The following SUGCT variants were observed in gnomAD, a reference collection of about 807,000 sequenced individuals.
SUGCT encodes succinyl-CoA:glutarate-CoA transferase.
Under a neutral mutation model 55.0 loss-of-function variants are expected in SUGCT, and 41 were observed. The ratio of observed to expected loss-of-function variants is 0.74; its 90% confidence interval spans 0.58 to 0.97. The LOEUF (loss-of-function observed/expected upper bound fraction) is 0.97, where lower values mean the gene tolerates loss of function less well. Among genes scored for constraint, SUGCT ranks in the 50% least tolerant of loss-of-function variants. The probability of loss-of-function intolerance (pLI) is 0.00; values close to 1 mark genes in which losing one functional copy is unlikely to be tolerated. For synonymous variants in SUGCT, 187 were observed against 200.4 expected (o/e 0.93, Z 0.56); for missense variants, 568 against 547.8 (o/e 1.04, Z -0.37).
intron 12 of SUGCT, among the ~76,000 whole-genome samples, chr7:40,614,827 A>G (rs937569037): frequency 2.6e-5 from 4 of 152,192 alleles, no homozygotes; most frequent in South Asian, 4.1e-4. Flanking sequence ...TGGGAGGCCA[A>G]TGTGGATGGA....
chr7:40,505,884 T>C (rs1015767636), intron 12 of SUGCT, among the ~76,000 whole-genome samples: 3 of 152,128 alleles, frequency 2.0e-5, no homozygotes, highest in African/African-American at 7.2e-5. Flanking sequence ...GGTATCTTTT[T>C]CTTATTTCCA....
chr7:40,332,448 T>G (rs978000240), intron 9 of SUGCT, among the ~76,000 whole-genome samples: 3 of 140,292 alleles, frequency 2.1e-5, no homozygotes, highest in Non-Finnish European at 5.0e-5. Context: ...ATTGGATTTT[T>G]TTTTTTGTTT....
At chr7:40,928,700 A>G in the SUGCT span, among the ~76,000 whole-genome samples, 12 of 151,766 alleles carry the variant, frequency 7.9e-5, no homozygotes, top group African/African-American at 2.9e-4. Context: ...CCTAGGTTCA[A>G]GCAATTCTCC....
chr7:40,495,937 C>G (rs1163328005), intron 11 of SUGCT, among the ~76,000 whole-genome samples: 1 of 152,078 alleles, frequency 6.6e-6, no homozygotes, highest in Non-Finnish European at 1.5e-5. Context: ...TTTCCACTAC[C>G]TGAGACCTAA....
At chr7:40,301,731 A>C (rs755188411) in intron 8 of SUGCT, among the ~76,000 whole-genome samples, 6 of 152,236 alleles carry the variant, frequency 3.9e-5, no homozygotes, top group Non-Finnish European at 8.8e-5. Flanking sequence ...TCATACAAGT[A>C]ATCGTCAGAT....
the SUGCT span, among the ~76,000 whole-genome samples, chr7:40,909,211 C>T: frequency 6.6e-6 from 1 of 152,086 alleles, no homozygotes; most frequent in Non-Finnish European, 1.5e-5. Flanking sequence ...TCTCGGGTCA[C>T]CTGGACTGGA....
chr7:40,931,936 T>TTTA, the SUGCT span, among the ~76,000 whole-genome samples: 1 of 152,244 alleles, frequency 6.6e-6, no homozygotes, highest in East Asian at 1.9e-4. Flanking sequence ...AGTTCTGTTC[T>TTTA]GATCTTAGTT....
At chr7:40,152,933 C>T (rs1686676647) in intron 1 of SUGCT, 1 of 162,318 alleles carries the variant, frequency 6.2e-6, no homozygotes, top group African/African-American at 2.4e-5. Flanking sequence ...TCTCGAACTC[C>T]TGACCTTGTG....
the SUGCT span, among the ~76,000 whole-genome samples, chr7:40,929,985 A>G: frequency 6.6e-6 from 1 of 152,138 alleles, no homozygotes; most frequent in Admixed American, 6.5e-5. Context: ...TTAGTCATGA[A>G]GTCCTTGCCC....
chr7:40,512,667 A>T (rs1485463084), intron 12 of SUGCT, among the ~76,000 whole-genome samples: 1 of 151,790 alleles, frequency 6.6e-6, no homozygotes, highest in Non-Finnish European at 1.5e-5. Context: ...TTTTTTTAAG[A>T]TGGTAAGATG....
the SUGCT span, among the ~76,000 whole-genome samples, chr7:40,934,488 G>A: frequency 2.0e-5 from 3 of 152,206 alleles, no homozygotes; most frequent in Non-Finnish European, 2.9e-5. Context: ...GTCAGACAGC[G>A]ATGTTTAAGT....
intron 10 of SUGCT, among the ~76,000 whole-genome samples, chr7:40,457,180 C>T (rs1447740074): frequency 6.6e-6 from 1 of 151,848 alleles, no homozygotes; most frequent in Non-Finnish European, 1.5e-5. Flanking sequence ...TGGCTCATGC[C>T]TGTAATCCAA....
chr7:40,805,440 G>A (rs939026802), intron 13 of SUGCT, among the ~76,000 whole-genome samples: 1 of 152,170 alleles, frequency 6.6e-6, no homozygotes, highest in African/African-American at 2.4e-5. Flanking sequence ...GTAACATAAT[G>A]TTTGGGTTGG....
intron 7 of SUGCT, among the ~76,000 whole-genome samples, chr7:40,248,311 T>G (rs1790053172): frequency 6.6e-6 from 1 of 151,270 alleles, no homozygotes; most frequent in Non-Finnish European, 1.5e-5. Context: ...ACGCCCGGCC[T>G]ATAGTTTTGA....
At chr7:41,030,896 A>G in the SUGCT span, among the ~76,000 whole-genome samples, 2 of 152,120 alleles carry the variant, frequency 1.3e-5, no homozygotes, top group African/African-American at 4.8e-5. Flanking sequence ...TGTAATGATT[A>G]CTCATAGTTG....
the SUGCT span, among the ~76,000 whole-genome samples, chr7:40,886,375 C>T: frequency 6.6e-6 from 1 of 152,050 alleles, no homozygotes; most frequent in East Asian, 1.9e-4. Flanking sequence ...CTTGGAGCTC[C>T]AAGAAGACAA....
intron 9 of SUGCT, among the ~76,000 whole-genome samples, chr7:40,441,260 T>C (rs975568910): frequency 6.6e-6 from 1 of 152,186 alleles, no homozygotes; most frequent in African/African-American, 2.4e-5. Context: ...ATTATGTAAA[T>C]TGTCTAATAT....
chr7:40,956,340 C>T, the SUGCT span, among the ~76,000 whole-genome samples: 4 of 152,144 alleles, frequency 2.6e-5, no homozygotes. Flanking sequence ...TTGACTTCTT[C>T]CTGGTTTAGT....
the SUGCT span, among the ~76,000 whole-genome samples, chr7:41,030,466 A>C: frequency 1.8e-4 from 27 of 152,312 alleles, no homozygotes; most frequent in Admixed American, 1.2e-3. Context: ...AAATACACAT[A>C]AAGAGGATGG....
Sources: gnomAD v4.1 joint callset for allele counts (sites outside exome capture counted in the v4.1 genomes callset) on GRCh38, gnomAD v4.1.1 for gene constraint, MANE v1.5 for transcripts, NCBI Gene and HGNC (gene_info 2026-07-23, HGNC 2026-07-21) for gene names.